GTF3C2: variants seen among roughly 807,000 people sequenced by gnomAD.
The protein encoded by GTF3C2 is general transcription factor IIIC subunit 2, also known as general transcription factor 3C polypeptide 2.
In GTF3C2, 17 loss-of-function variants were observed where a neutral mutation model predicts 117.4. The observed-to-expected ratio is 0.14, with a 90% CI of 0.10 to 0.22. GTF3C2 has a LOEUF of 0.22. GTF3C2 is among the 10% of genes least tolerant of loss of function. The pLI is 1.00. For missense variants in GTF3C2, 888 were observed against 1,143.6 expected, an observed-to-expected ratio of 0.78 and a Z score of 3.22; for synonymous variants, 437 against 427.0, an observed-to-expected ratio of 1.02 and a Z score of -0.29.
intron 1 of GTF3C2, among the ~76,000 whole-genome samples, chr2:27,354,400 T>TA (rs1681252039): frequency 6.6e-6 from 1 of 152,084 alleles, no homozygotes; most frequent in African/African-American, 2.4e-5. Flanking sequence ...AGAGAGGAAA[T>TA]AAGAGTATGT....
At position 27,329,745 on chromosome 2, in the gene GTF3C2, T is replaced by C. The variant is rs1292852954; in HGVS notation, c.1733-222A>G. Among the ~76,000 whole-genome samples, 1 of 152,184 alleles carries C rather than the reference T, an allele frequency of 6.6e-6. No homozygotes were observed. Among genetic ancestry groups the C allele is most frequent in the Non-Finnish European group, 1.5e-5 (1 of 68,030 alleles). On this transcript the variant is annotated intron_variant, in intron 12 of 18. Transcript: ENST00000264720. The surrounding 1 kb of genome is among the most constrained non-coding windows in gnomAD (Gnocchi z 4.5). Reference sequence around the variant, plus strand: ...CTCATCAACAAAAAAGTAATAGCTTTGTCTGGAATCTACAGTTGAAAAATG... The same window carrying C: ...CTCATCAACAAAAAAGTAATAGCTTCGTCTGGAATCTACAGTTGAAAAATG...
At chr2:27,348,338 T>C (rs1051635869) in intron 1 of GTF3C2, among the ~76,000 whole-genome samples, 13 of 149,116 alleles carry the variant, frequency 8.7e-5, no homozygotes, top group African/African-American at 3.0e-4. Flanking sequence ...CACTCAGGAA[T>C]TGGAAGTGAG....
intron 1 of GTF3C2, among the ~76,000 whole-genome samples, chr2:27,353,809 C>T (rs1343989850): frequency 6.6e-6 from 1 of 152,088 alleles, no homozygotes; most frequent in East Asian, 1.9e-4. Flanking sequence ...TGCACCTTGA[C>T]CTCCTGGGCC....
At chr2:27,336,514 C>A (rs1242256868) in intron 7 of GTF3C2, 89 bp from the exon 8 acceptor site, 1 of 746,666 alleles carries the variant, frequency 1.3e-6, no homozygotes, top group African/African-American at 1.8e-5. Context: ...CCAGTATGAA[C>A]TGGCTCAAGC....
At chr2:27,335,251 G>C (rs1038866667) in intron 10 of GTF3C2, 1 of 493,534 alleles carries the variant, frequency 2.0e-6, no homozygotes, top group Non-Finnish European at 4.1e-6. Flanking sequence ...AGGATTGGGG[G>C]AACAAGAGTA....
At position 27,329,651 on chromosome 2, in the gene GTF3C2, G is replaced by T; in HGVS notation, c.1733-128C>A. 2 of 833,882 alleles carry T rather than the reference G, an allele frequency of 2.4e-6. No homozygotes were observed. The highest frequency in any genetic ancestry group is 3.8e-6 in the Non-Finnish European group (2 of 525,684). 51.7% of individuals were successfully genotyped at this position (833,882 alleles called of 1,614,324 possible). ...TCCAAACCACTATGAAAGGATGTGG[G>T]GATCCTGATTAGCTATCCAACACTC... On this transcript the variant is annotated intron_variant, in intron 12 of 18. Transcript: ENST00000264720. This position sits in a 1 kb window ranked among gnomAD's most constrained non-coding sequence, Gnocchi z 4.5.
chr2:27,326,803 C>A, exon 19 of GTF3C2: 4 of 1,613,570 alleles, frequency 2.5e-6, no homozygotes, highest in Non-Finnish European at 3.4e-6. Flanking sequence ...AGTGGGGAGG[C>A]GAGTCCACGG....
intron 1 of GTF3C2, among the ~76,000 whole-genome samples, chr2:27,344,894 A>G (rs1377236752): frequency 1.3e-5 from 2 of 151,810 alleles, no homozygotes; most frequent in African/African-American, 4.8e-5. Context: ...CTGAGACAGG[A>G]GGATTGCTTG....
rs372701390 is a variant in GTF3C2 at position 27,352,342 on chromosome 2, G to A, written c.-25+4397C>T. The stretch of plus-strand genomic sequence containing the variant: ...TCTCTGATCCCGATTCTCTGCAGAT[G>A]ATTTTGCTTTTGATTTCCGAAACAA... On this transcript the variant is annotated intron_variant, in intron 1 of 18. Coordinates refer to ENST00000264720, the Ensembl canonical transcript of GTF3C2. Among the ~76,000 whole-genome samples, 7 of 152,164 alleles carry A rather than the reference G, an allele frequency of 4.6e-5. No homozygotes were observed. The East Asian group carries it at 1.3e-3, about 29-fold the overall frequency.
chr2:27,352,752 T>C (rs1000477931), intron 1 of GTF3C2, among the ~76,000 whole-genome samples: 2 of 152,338 alleles, frequency 1.3e-5, no homozygotes, highest in East Asian at 3.9e-4. Flanking sequence ...AAGAAGCATA[T>C]TGTCCCCCAA....
rs569568286 is a variant in GTF3C2, at chr2:27,329,321, C to G, written c.1878-39G>C. On this transcript the variant is annotated intron_variant, in intron 13 of 18. Transcript: ENST00000264720. This position sits in a 1 kb window ranked among gnomAD's most constrained non-coding sequence, Gnocchi z 4.5. ...GGAGAAGGTCAAATCCAAACAAATC[C>G]GGAAGTCAGCCTGTCCCAGTCTTCA... 15 of 1,613,912 alleles carry G rather than the reference C, an allele frequency of 9.3e-6. No individual in the cohort carries two copies. The East Asian group carries it at 3.1e-4, about 34-fold the overall frequency.
chr2:27,336,517 G>T (rs1680483857), intron 7 of GTF3C2, 92 bp from the exon 8 acceptor site: 3 of 724,456 alleles, frequency 4.1e-6, no homozygotes, highest in Admixed American at 2.5e-5. Context: ...GTATGAACTG[G>T]CTCAAGCAAG....
chr2:27,351,191 C>A (rs1681122696), intron 1 of GTF3C2, among the ~76,000 whole-genome samples: 1 of 152,106 alleles, frequency 6.6e-6, no homozygotes, highest in Non-Finnish European at 1.5e-5. Flanking sequence ...GAGGGCGGAT[C>A]ACCTAAGGTC....
chr2:27,342,157 G>A, exon 4 of GTF3C2: 1 of 1,614,096 alleles, frequency 6.2e-7, no homozygotes, highest in Non-Finnish European at 8.5e-7. Flanking sequence ...CTCACCTTGG[G>A]GCCCTCAGGA....
Position 27,329,349 on chromosome 2 carries a change from T to C in GTF3C2, c.1877+30A>G, listed in dbSNP as rs572927438. The C allele has an allele frequency of 1.2e-6, 2 of 1,613,926 alleles. No individual in the cohort carries two copies. The highest frequency in any genetic ancestry group is 4.5e-5 in the East Asian group (2 of 44,884). ...AAGTCAGCCTGTCCCAGTCTTCACC[T>C]TCCCCCTCCACATACCTCCTATTCC... On this transcript the variant is annotated intron_variant, in intron 13 of 18. Coordinates refer to ENST00000264720, the Ensembl canonical transcript of GTF3C2. This position sits in a 1 kb window ranked among gnomAD's most constrained non-coding sequence, Gnocchi z 4.5.
chr2:27,336,166 C>A, intron 8 of GTF3C2, 32 bp downstream of exon 8: 1 of 1,540,448 alleles, frequency 6.5e-7, no homozygotes, highest in South Asian at 1.1e-5. Context: ...TCCTCAACCA[C>A]CCTCCCATGG....
chr2:27,346,940 C>CCCA, intron 1 of GTF3C2, among the ~76,000 whole-genome samples: 1 of 152,248 alleles, frequency 6.6e-6, no homozygotes, highest in Admixed American at 6.5e-5. Context: ...AAGAGATCCT[C>CCCA]CCACCTTGGC....
At chr2:27,338,240 T>C (rs1680567721) in intron 4 of GTF3C2, 2 of 532,230 alleles carry the variant, frequency 3.8e-6, no homozygotes, top group Non-Finnish European at 6.8e-6. Flanking sequence ...TTACCTATTT[T>C]CTGTTCAGCT....
At chr2:27,335,873 T>C (rs1416391589) in intron 9 of GTF3C2, 44 bp downstream of exon 9, 2 of 1,345,838 alleles carry the variant, frequency 1.5e-6, no homozygotes, top group Admixed American at 1.7e-5. Flanking sequence ...CTCTTTGTCC[T>C]GGCTTTGAGT....
Sources: allele counts gnomAD v4.1 joint callset (sites outside exome capture counted in the v4.1 genomes callset), GRCh38; gene constraint gnomAD v4.1.1; non-coding constraint Gnocchi (gnomAD v3.1); transcripts MANE v1.5; gene names NCBI Gene and HGNC (gene_info 2026-07-23, HGNC 2026-07-21).